Variants in IARS1 observed in about 807,000 individuals in gnomAD.
The protein encoded by IARS1 is isoleucine--tRNA ligase, cytoplasmic.
Under a neutral mutation model 168.2 loss-of-function variants are expected in IARS1, and 124 were observed. The observed-to-expected ratio is 0.74, with a 90% CI of 0.64 to 0.86. IARS1 has a LOEUF of 0.86. Among genes scored for constraint, IARS1 ranks in the 40% least tolerant of loss-of-function variants. IARS1 has a pLI of 0.00. For missense variants in IARS1, 1,452 were observed against 1,515.8 expected, an observed-to-expected ratio of 0.96 and a Z score of 0.70; for synonymous variants, 532 against 529.4, an observed-to-expected ratio of 1.00 and a Z score of -0.07.
chr9:92,268,399 CA>C, intron 13 of IARS1, 99 bp from the exon 14 acceptor site: 1 of 1,214,732 alleles, frequency 8.2e-7, no homozygotes, highest in Non-Finnish European at 1.2e-6. Context: ...CTTTGTGGAC[CA>C]AACACTCTGG....
At chr9:92,268,382 T>C in intron 13 of IARS1, 82 bp from the exon 14 acceptor site, 4 of 1,412,814 alleles carry the variant, frequency 2.8e-6, no homozygotes. Context: ...GGAGCCTTTG[T>C]ATAACGCTTT....
rs78440162 is a variant in IARS1, at chr9:92,280,460, T to C, written c.745+286A>G. 4.6e-3 allele frequency among the ~76,000 whole-genome samples: 706 copies of C among 152,340 alleles called. 4 individuals carry two copies. Among genetic ancestry groups the C allele is most frequent in the African/African-American group, 0.015 (614 of 41,576 alleles). The stretch of plus-strand genomic sequence containing the variant: ...GACGTGATGCCACATCGCTGAATCT[T>C]AGATTCTTCATCTGTCACAGGGGCA... On this transcript the variant is annotated intron_variant, in intron 7 of 33. Coordinates refer to ENST00000443024, the MANE Select transcript of IARS1 (RefSeq NM_002161.6).
chr9:92,261,236 G>A (rs1274250451), intron 17 of IARS1, among the ~76,000 whole-genome samples: 1 of 152,008 alleles, frequency 6.6e-6, no homozygotes, highest in Non-Finnish European at 1.5e-5. Flanking sequence ...TTGAGCCCAG[G>A]AGGTGGAGGC....
At chr9:92,223,269 T>A (rs1159275994) in intron 32 of IARS1, 77 bp downstream of exon 32, 1 of 1,353,670 alleles carries the variant, frequency 7.4e-7, no homozygotes, top group Admixed American at 2.3e-5. Context: ...CGACTAGAAA[T>A]ACACACATAT....
intron 31 of IARS1, among the ~76,000 whole-genome samples, chr9:92,223,861 G>A (rs1464493106): frequency 6.6e-6 from 1 of 152,164 alleles, no homozygotes; most frequent in Non-Finnish European, 1.5e-5. Context: ...GATGTTATTT[G>A]ACTCAGGAGC....
At position 92,223,442 on chromosome 9, in the gene IARS1, A is replaced by G. The variant is rs141665010; in HGVS notation, c.3457T>C (p.Cys1153Arg). ...GAGGGAGCCGATCCTGCAGTCACAC[A>G]AAGTGTTTTTCCACTAAGACTCAGT... ...DLLSLSGKTL[C>R]VTAGSAPSLI... Residue 1153 changes from cysteine to arginine, a missense_variant, in exon 32 of 34, where the codon TGT becomes CGT. Cys to Arg is a radical substitution (Grantham distance 180, BLOSUM62 -3). Coordinates refer to ENST00000443024, the MANE Select transcript of IARS1 (RefSeq NM_002161.6). The G allele has an allele frequency of 2.5e-4, 402 of 1,613,890 alleles. 1 individual carries two copies. The Middle Eastern group carries it at 0.012, about 48-fold the overall frequency.
intron 4 of IARS1, chr9:92,287,277 A>T (rs571464831): frequency 6.5e-6 from 1 of 154,004 alleles, no homozygotes; most frequent in East Asian, 1.9e-4. Context: ...TAAATGTTCC[A>T]TACTTAAGAA....
intron 30 of IARS1, among the ~76,000 whole-genome samples, chr9:92,237,450 A>G (rs1253699397): frequency 2.6e-5 from 4 of 152,202 alleles, no homozygotes; most frequent in Admixed American, 2.6e-4. Flanking sequence ...CCCAGGTTAT[A>G]ATGTATCTCA....
intron 8 of IARS1, 24 bp from the exon 9 acceptor site, chr9:92,277,947 C>CA: frequency 6.2e-7 from 1 of 1,605,584 alleles, no homozygotes; most frequent in Non-Finnish European, 8.5e-7. Flanking sequence ...AAGGCAAACT[C>CA]ACAATTAGAT....
chr9:92,286,164 C>A, intron 5 of IARS1: 1 of 277,434 alleles, frequency 3.6e-6, no homozygotes, highest in Non-Finnish European at 6.9e-6. Context: ...GTCAGAAGTT[C>A]GAGACCACCC....
chr9:92,240,296 C>G (rs1828183607), intron 30 of IARS1: 1 of 199,946 alleles, frequency 5.0e-6, no homozygotes. Context: ...GACAGTCTTG[C>G]TTTGTCACCC....
At chr9:92,223,275 CAT>C in intron 32 of IARS1, 69 bp downstream of exon 32, 1 of 1,390,920 alleles carries the variant, frequency 7.2e-7, no homozygotes, top group Non-Finnish European at 9.8e-7. Context: ...GAAATACACA[CAT>C]ATTTGAATAT....
At chr9:92,228,192 C>T (rs994892889) in intron 31 of IARS1, among the ~76,000 whole-genome samples, 15 of 152,168 alleles carry the variant, frequency 9.9e-5, no homozygotes, top group Admixed American at 2.6e-4. Context: ...TAGGGGCCCA[C>T]GCTACTCCAG....
intron 16 of IARS1, among the ~76,000 whole-genome samples, 189 bp from the exon 17 acceptor site, chr9:92,263,244 T>A (rs1426529064): frequency 3.3e-5 from 5 of 152,202 alleles, no homozygotes; most frequent in Non-Finnish European, 7.3e-5. Flanking sequence ...AAAGAAGCAT[T>A]GAAATAAACG....
At chr9:92,273,809 A>G (rs917795175) in intron 10 of IARS1, among the ~76,000 whole-genome samples, 1 of 152,202 alleles carries the variant, frequency 6.6e-6, no homozygotes, top group Non-Finnish European at 1.5e-5. Flanking sequence ...TGACAAAACG[A>G]TCAAGCCTAG....
chr9:92,270,379 A>T (rs1037279629), intron 12 of IARS1, among the ~76,000 whole-genome samples: 1 of 152,206 alleles, frequency 6.6e-6, no homozygotes, highest in African/African-American at 2.4e-5. Flanking sequence ...AATAAACTCT[A>T]TTACAAAATT....
At chr9:92,263,693 A>G (rs1257666597) in intron 16 of IARS1, among the ~76,000 whole-genome samples, 1 of 152,120 alleles carries the variant, frequency 6.6e-6, no homozygotes, top group African/African-American at 2.4e-5. Flanking sequence ...CCCACTTCTA[A>G]AGGAGAGTTG....
intron 33 of IARS1, among the ~76,000 whole-genome samples, chr9:92,213,220 G>C (rs184039018): frequency 2.4e-3 from 372 of 152,172 alleles, no homozygotes; most frequent in Non-Finnish European, 3.8e-3. Context: ...TAATGCTTTT[G>C]GCACTAAAGA....
chr9:92,280,913 A>G lies in IARS1; in HGVS notation c.598-20T>C. The G allele has an allele frequency of 1.3e-6, 2 of 1,584,072 alleles. No individual in the cohort carries two copies. Among genetic ancestry groups the G allele is most frequent in the African/African-American group, 1.3e-5 (1 of 74,184 alleles). On this transcript the variant is annotated intron_variant, in intron 6 of 33. Coordinates refer to ENST00000443024, the MANE Select transcript of IARS1 (RefSeq NM_002161.6). ...AACATCCTGAAATAAATTGAGGTAA[A>G]GTATTGTTTTAGAAATCCACAATAA...
Sources: gnomAD v4.1 joint callset for allele counts (sites outside exome capture counted in the v4.1 genomes callset) on GRCh38, gnomAD v4.1.1 for gene constraint, MANE v1.5 for transcripts, NCBI Gene and HGNC (gene_info 2026-07-23, HGNC 2026-07-21) for gene names.